ZBTB2: variants seen among roughly 807,000 people sequenced by gnomAD.
ZBTB2 encodes the protein zinc finger and BTB domain-containing protein 2.
Under a neutral mutation model 39.5 loss-of-function variants are expected in ZBTB2, and 2 were observed. The observed-to-expected ratio is 0.05, with a 90% CI of 0.02 to 0.16. The LOEUF is 0.16. ZBTB2 is among the 10% of genes least tolerant of loss of function. The probability of loss-of-function intolerance (pLI) is 1.00; values close to 1 mark genes in which losing one functional copy is unlikely to be tolerated. For synonymous variants in ZBTB2, 251 were observed against 256.6 expected (o/e 0.98, Z 0.21); for missense variants, 391 against 653.0 (o/e 0.60, Z 4.37).
chr6:151,371,342 A>AGG (rs1778785044), intron 2 of ZBTB2, among the ~76,000 whole-genome samples: 1 of 152,212 alleles, frequency 6.6e-6, no homozygotes, highest in African/African-American at 2.4e-5. Flanking sequence ...ATAACAACAT[A>AGG]GGGGAAAGGT....
At position 151,366,431 on chromosome 6, in the gene ZBTB2, G is replaced by A. The variant is rs762417728; in HGVS notation, c.635C>T (p.Pro212Leu). ...GGTCTCCTCCCCGGGAGGAGGGGGA[G>A]GAACAGGAGTGGAAACAAGTTCTGG... ...LSPELVSTPV[P>L]PPPPGEETNL... Residue 212 changes from proline (P) to leucine (L), a missense_variant, in exon 3 of 3, where the codon CCT (proline) becomes CTT (leucine). Physicochemically the swap from Pro to Leu is moderately conservative, Grantham distance 98. Coordinates refer to ENST00000325144, the MANE Select transcript of ZBTB2 (RefSeq NM_020861.3). The surrounding 1 kb of genome is among the most constrained non-coding windows in gnomAD (Gnocchi z 7.1). The A allele has an allele frequency of 1.2e-6, 2 of 1,613,978 alleles. No homozygotes were observed. The highest frequency in any genetic ancestry group is 2.7e-5 in the African/African-American group (2 of 74,892).
chr6:151,378,174 T>C (rs975069759), intron 1 of ZBTB2: 1 of 152,168 alleles, frequency 6.6e-6, no homozygotes, highest in African/African-American at 2.4e-5. Context: ...TTCAGGCAGA[T>C]TCAGAAATTA....
intron 2 of ZBTB2, among the ~76,000 whole-genome samples, chr6:151,371,594 C>T (rs757596758): frequency 3.3e-5 from 5 of 151,952 alleles, no homozygotes; most frequent in Non-Finnish European, 7.4e-5. Context: ...CCCAGAGGGC[C>T]CAGTCGCAGA....
chr6:151,385,013 C>G (rs1468564730), intron 1 of ZBTB2, among the ~76,000 whole-genome samples: 1 of 151,342 alleles, frequency 6.6e-6, no homozygotes, highest in Non-Finnish European at 1.5e-5. Context: ...TGTAAAATCC[C>G]TAACCATTTA....
chr6:151,366,751 G>A lies in ZBTB2; in HGVS notation c.315C>T (p.Tyr105=). The A allele has an allele frequency of 6.2e-7, 1 of 1,614,144 alleles. No individual in the cohort carries two copies. The highest frequency in any genetic ancestry group is 8.5e-7 in the Non-Finnish European group (1 of 1,180,028). The change falls in exon 3 of 3, where the codon TAC becomes TAT. Residue 105 remains tyrosine, a synonymous_variant. Coordinates refer to ENST00000325144, the MANE Select transcript of ZBTB2 (RefSeq NM_020861.3). The surrounding 1 kb of genome is among the most constrained non-coding windows in gnomAD (Gnocchi z 7.1). ...CGAGGCTGGCTTCCTGAATGAGCGG[G>A]TAGGCGTGCAGAAACTTGATGCCCT... is the stretch of plus-strand genomic sequence containing the variant. ...LEQGIKFLHA[Y]PLIQEASLAS...
chr6:151,376,606 G>A (rs942879442), intron 1 of ZBTB2, among the ~76,000 whole-genome samples: 1 of 152,094 alleles, frequency 6.6e-6, no homozygotes, highest in Non-Finnish European at 1.5e-5. Flanking sequence ...AAAGATGTTC[G>A]AAACCACTAG....
intron 1 of ZBTB2, among the ~76,000 whole-genome samples, chr6:151,373,859 A>C (rs1220637345): frequency 6.9e-6 from 1 of 144,644 alleles, no homozygotes; most frequent in Non-Finnish European, 1.5e-5. Context: ...AAAAAAAAAA[A>C]AAAAAAAAAA....
At chr6:151,390,581 G>T (rs1454983360) in intron 1 of ZBTB2, among the ~76,000 whole-genome samples, 1 of 150,974 alleles carries the variant, frequency 6.6e-6, no homozygotes, top group African/African-American at 2.4e-5. Flanking sequence ...AGAGGGATGA[G>T]CGCGCGCGAG....
chr6:151,370,428 G>T (rs1778763621), intron 2 of ZBTB2, among the ~76,000 whole-genome samples: 1 of 152,186 alleles, frequency 6.6e-6, no homozygotes, highest in South Asian at 2.1e-4. Flanking sequence ...AACTTCCATA[G>T]TAATTTCCGT....
chr6:151,373,154 CAAAAAAAAAAAAAAAAAAAAAAAAAA>C (rs58019601), intron 2 of ZBTB2, among the ~76,000 whole-genome samples: 1 of 27,822 alleles, frequency 3.6e-5, no homozygotes. Context: ...GACTCCGTCT[CAAAAAAAAAAAAAAAAAAAAAAAAAA>C]AAAAAAAAAA....
At chr6:151,375,960 G>T (rs545589925) in intron 1 of ZBTB2, among the ~76,000 whole-genome samples, 1 of 152,324 alleles carries the variant, frequency 6.6e-6, no homozygotes, top group African/African-American at 2.4e-5. Context: ...TCAAGACTGT[G>T]TGGTATTGGC....
intron 1 of ZBTB2, among the ~76,000 whole-genome samples, chr6:151,379,940 T>C (rs1332023039): frequency 6.6e-6 from 1 of 152,088 alleles, no homozygotes; most frequent in Non-Finnish European, 1.5e-5. Context: ...ATTCAGACCA[T>C]AAGAATGAAG....
intron 1 of ZBTB2, among the ~76,000 whole-genome samples, chr6:151,383,943 G>C (rs1779097899): frequency 1.3e-5 from 2 of 152,122 alleles, no homozygotes; most frequent in African/African-American, 2.4e-5. Context: ...CTAGGGTTTA[G>C]TATTTGTTAA....
At chr6:151,368,563 C>T (rs1052337862) in intron 2 of ZBTB2, among the ~76,000 whole-genome samples, 5 of 151,694 alleles carry the variant, frequency 3.3e-5, no homozygotes, top group Non-Finnish European at 4.4e-5. Flanking sequence ...AAGTGATTCT[C>T]CTTCCTCAGC....
At chr6:151,367,300 T>A (rs187253349) in intron 2 of ZBTB2, among the ~76,000 whole-genome samples, 15 of 152,242 alleles carry the variant, frequency 9.9e-5, no homozygotes, top group Non-Finnish European at 4.4e-5. Flanking sequence ...TTTGTATTTT[T>A]AATAGAGACG....
rs1234974207 is a variant in ZBTB2, at chr6:151,365,045, A to G, written c.*476T>C. ...TAAGACACCTGGAGGATGAATACTAAGAACGTTTTCTTGGGTTTAAAGTTT... is the reference window on the plus strand; with the variant it reads ...TAAGACACCTGGAGGATGAATACTAGGAACGTTTTCTTGGGTTTAAAGTTT... On this transcript the variant is annotated 3_prime_UTR_variant, in exon 3 of 3. Transcript: ENST00000325144. The surrounding 1 kb of genome is among the most constrained non-coding windows in gnomAD (Gnocchi z 5.6). 2.6e-5 allele frequency: 4 copies of G among 155,080 alleles called. No homozygotes were observed. The highest frequency in any genetic ancestry group is 4.3e-5 in the Non-Finnish European group (3 of 69,634). The allele number at this position is 155,080 out of a possible 1,614,324, so 9.6% of individuals were successfully genotyped here. A position where few individuals can be genotyped will look rare whatever the true frequency, so the allele number is the denominator to read the frequency against.
In ZBTB2 at chr6:151,366,157, C is replaced by A. The variant is rs755828022; in HGVS notation, c.909G>T (p.Gly303=). The A allele has an allele frequency of 6.2e-7, 1 of 1,614,158 alleles. No individual in the cohort carries two copies. The highest frequency in any genetic ancestry group is 8.5e-7 in the Non-Finnish European group (1 of 1,180,054). Residue 303 remains glycine (G), a synonymous_variant, in exon 3 of 3, where the codon GGG becomes GGT. Coordinates refer to ENST00000325144, the MANE Select transcript of ZBTB2 (RefSeq NM_020861.3). The surrounding 1 kb of genome is among the most constrained non-coding windows in gnomAD (Gnocchi z 7.1). ...LTLCSNAADL[G]KDAMEVPEAG... Reference sequence around the variant, plus strand: ...CTTCAGGCACTTCCATGGCATCTTTCCCGAGGTCAGCTGCATTGCTACAGA... The same window carrying A: ...CTTCAGGCACTTCCATGGCATCTTTACCGAGGTCAGCTGCATTGCTACAGA...
At chr6:151,375,119 C>T (rs1778881202) in intron 1 of ZBTB2, among the ~76,000 whole-genome samples, 1 of 150,866 alleles carries the variant, frequency 6.6e-6, no homozygotes, top group African/African-American at 2.4e-5. Context: ...GACTCCATCT[C>T]AAAAAAACAA....
In ZBTB2 at chr6:151,391,464, C is replaced by G. The variant is rs929226068; in HGVS notation, c.-57G>C. The G allele has an allele frequency of 6.6e-6, 1 of 152,362 alleles. No individual in the cohort carries two copies. The highest frequency in any genetic ancestry group is 2.4e-5 in the African/African-American group (1 of 41,282). 9.4% of individuals were successfully genotyped at this position (152,362 alleles called of 1,614,324 possible). ...GGCGGGGGGTGTGGAGGAGGCGCCT[C>G]TGGGCAGCCTCGGCCGTGCTGTCCT... On this transcript the variant is annotated 5_prime_UTR_variant, in exon 1 of 3. Coordinates refer to ENST00000325144, the MANE Select transcript of ZBTB2 (RefSeq NM_020861.3).
Sources: gnomAD v4.1 joint callset for allele counts (sites outside exome capture counted in the v4.1 genomes callset) on GRCh38, gnomAD v4.1.1 for gene constraint, Gnocchi (gnomAD v3.1) non-coding constraint, MANE v1.5 for transcripts, NCBI Gene and HGNC (gene_info 2026-07-23, HGNC 2026-07-21) for gene names.